Variants in LRBA observed in about 807,000 individuals in gnomAD.
LRBA encodes LPS responsive beige-like anchor protein, also known as lipopolysaccharide-responsive and beige-like anchor protein.
Under a neutral mutation model 330.0 loss-of-function variants are expected in LRBA, and 176 were observed. The ratio of observed to expected loss-of-function variants is 0.53; its 90% CI spans 0.47 to 0.60. The LOEUF is 0.60. Among genes scored for constraint, LRBA ranks in the 20% least tolerant of loss-of-function variants. The pLI is 0.00. For missense variants in LRBA, 3,259 were observed against 3,444.8 expected, an observed-to-expected ratio of 0.95 and a Z score of 1.35; for synonymous variants, 1,230 against 1,193.0, an observed-to-expected ratio of 1.03 and a Z score of -0.64.
At chr4:150,387,842 A>G (rs1323422664) in intron 47 of LRBA, among the ~76,000 whole-genome samples, 2 of 152,224 alleles carry the variant, frequency 1.3e-5, no homozygotes, top group Non-Finnish European at 2.9e-5. Flanking sequence ...GTAATTACTA[A>G]AGTTACCTTT....
chr4:150,371,877 A>C (rs1209293976), intron 47 of LRBA, among the ~76,000 whole-genome samples: 1 of 152,162 alleles, frequency 6.6e-6, no homozygotes, highest in Non-Finnish European at 1.5e-5. Context: ...AACTGCCTTT[A>C]TGAAGCATAT....
At chr4:150,715,590 A>G (rs1434522368) in intron 36 of LRBA, among the ~76,000 whole-genome samples, 2 of 152,236 alleles carry the variant, frequency 1.3e-5, no homozygotes, top group African/African-American at 4.8e-5. Flanking sequence ...ATAAAATACC[A>G]CATCAGGTTG....
intron 48 of LRBA, among the ~76,000 whole-genome samples, chr4:150,347,246 T>G (rs575344912): frequency 1.3e-5 from 2 of 152,334 alleles, no homozygotes; most frequent in East Asian, 3.9e-4. Context: ...TGTTTAATGC[T>G]TAGAGAGTTT....
chr4:150,951,230 A>C (rs1040848492), intron 2 of LRBA, among the ~76,000 whole-genome samples: 1 of 152,184 alleles, frequency 6.6e-6, no homozygotes, highest in Non-Finnish European at 1.5e-5. Flanking sequence ...CAATGAGAAA[A>C]TCCCGGATTA....
chr4:150,372,986 A>G (rs1223554663), intron 47 of LRBA, among the ~76,000 whole-genome samples: 1 of 152,024 alleles, frequency 6.6e-6, no homozygotes, highest in African/African-American at 2.4e-5. Context: ...TACTCAAGCA[A>G]TCCTATGGAG....
At chr4:150,909,780 A>G (rs72719683) in intron 9 of LRBA, among the ~76,000 whole-genome samples, 167 of 152,234 alleles carry the variant, frequency 1.1e-3, no homozygotes, top group Non-Finnish European at 1.7e-3. Context: ...TCCCCTCAAC[A>G]GTGCACAAAG....
intron 42 of LRBA, among the ~76,000 whole-genome samples, chr4:150,486,112 C>T (rs994913176): frequency 1.3e-5 from 2 of 151,714 alleles, no homozygotes; most frequent in African/African-American, 4.8e-5. Flanking sequence ...ACAAAGGTAA[C>T]TGTGAGGGAT....
chr4:150,512,557 A>G (rs1304880266), intron 40 of LRBA, among the ~76,000 whole-genome samples: 1 of 152,034 alleles, frequency 6.6e-6, no homozygotes, highest in Admixed American at 6.6e-5. Flanking sequence ...TAGAATCAGG[A>G]GTCAGCAGTC....
intron 39 of LRBA, among the ~76,000 whole-genome samples, chr4:150,588,497 C>A (rs1270656789): frequency 6.6e-6 from 1 of 152,178 alleles, no homozygotes; most frequent in Non-Finnish European, 1.5e-5. Flanking sequence ...ATAAGTCCAT[C>A]CACATTCCAT....
At chr4:150,729,343 T>C (rs571516222) in intron 36 of LRBA, among the ~76,000 whole-genome samples, 1 of 152,272 alleles carries the variant, frequency 6.6e-6, no homozygotes, top group East Asian at 1.9e-4. Flanking sequence ...AGCATATCTA[T>C]ATGCCAACAG....
chr4:150,654,418 A>T (rs1779982324), intron 37 of LRBA, among the ~76,000 whole-genome samples: 2 of 151,998 alleles, frequency 1.3e-5, no homozygotes, highest in South Asian at 4.2e-4. Context: ...CGAACTCATG[A>T]CCTCACGCGA....
intron 37 of LRBA, among the ~76,000 whole-genome samples, chr4:150,656,897 T>C (rs888204532): frequency 7.2e-5 from 11 of 152,226 alleles, no homozygotes; most frequent in Non-Finnish European, 8.8e-5. Context: ...GTAGAAACAG[T>C]ATCTGCCTTA....
At chr4:150,828,084 G>T in intron 30 of LRBA, 96 bp downstream of exon 30, 1 of 1,089,944 alleles carries the variant, frequency 9.2e-7, no homozygotes, top group Non-Finnish European at 1.3e-6. Context: ...GTTATATGTG[G>T]ATTTTCGGCT....
intron 46 of LRBA, among the ~76,000 whole-genome samples, chr4:150,417,636 T>G (rs1747969908): frequency 6.6e-6 from 1 of 152,142 alleles, no homozygotes; most frequent in Admixed American, 6.6e-5. Context: ...GTTTTATAAT[T>G]CTCCTAGATT....
At chr4:150,871,314 T>C (rs777479144) in intron 19 of LRBA, 31 bp downstream of exon 19, 1 of 1,173,854 alleles carries the variant, frequency 8.5e-7, no homozygotes, top group Non-Finnish European at 1.3e-6. Context: ...AATAAGAAAT[T>C]TAGAGGAGTA....
chr4:150,895,143 C>A (rs1205167901), intron 16 of LRBA, among the ~76,000 whole-genome samples: 2 of 151,744 alleles, frequency 1.3e-5, no homozygotes, highest in African/African-American at 4.8e-5. Context: ...TATTATATTC[C>A]ATCAATTCCT....
chr4:150,800,676 C>A (rs1741482353), intron 33 of LRBA, among the ~76,000 whole-genome samples: 1 of 152,156 alleles, frequency 6.6e-6, no homozygotes, highest in Non-Finnish European at 1.5e-5. Context: ...AACACACACA[C>A]CCTATTACTG....
intron 37 of LRBA, among the ~76,000 whole-genome samples, chr4:150,643,065 C>A (rs942280169): frequency 1.3e-5 from 2 of 151,766 alleles, no homozygotes; most frequent in African/African-American, 4.8e-5. Flanking sequence ...ATTTAAAGTT[C>A]CCCCTATTTT....
intron 50 of LRBA, among the ~76,000 whole-genome samples, chr4:150,318,940 G>A (rs1361016393): frequency 6.6e-6 from 1 of 152,132 alleles, no homozygotes; most frequent in Non-Finnish European, 1.5e-5. Flanking sequence ...TACTCCAGCA[G>A]TGAGACTCTA....
Sources: allele counts gnomAD v4.1 joint callset (sites outside exome capture counted in the v4.1 genomes callset), GRCh38; gene constraint gnomAD v4.1.1; transcripts MANE v1.5; gene names NCBI Gene and HGNC (gene_info 2026-07-23, HGNC 2026-07-21).